The following CACNA1E variants were observed in gnomAD, a reference collection of about 807,000 sequenced individuals.
CACNA1E encodes voltage-dependent R-type calcium channel subunit alpha-1E.
In CACNA1E, 40 loss-of-function variants were observed where a neutral mutation model predicts 259.2. The observed-to-expected ratio is 0.15, with a 90% confidence interval of 0.12 to 0.20. CACNA1E has a LOEUF of 0.20. Ranked by LOEUF, CACNA1E falls within the 10% of genes least tolerant of loss-of-function variation. CACNA1E has a pLI of 1.00. For missense variants in CACNA1E, 1,874 were observed against 3,040.1 expected, an observed-to-expected ratio of 0.62 and a Z score of 9.02; for synonymous variants, 1,104 against 1,138.5, an observed-to-expected ratio of 0.97 and a Z score of 0.61.
intron 8 of CACNA1E, among the ~76,000 whole-genome samples, chr1:181,713,452 A>G (rs1653588515): frequency 1.3e-5 from 2 of 152,210 alleles, no homozygotes; most frequent in South Asian, 4.1e-4. Flanking sequence ...GCCAGAGGCT[A>G]TACTTAAAAA....
At position 181,510,587 on chromosome 1, in the gene CACNA1E, G is replaced by A. The variant is rs1208096882; in HGVS notation, c.372+5G>A. On this transcript the variant is annotated splice_donor_5th_base_variant and intron_variant, in intron 2 of 47. Coordinates refer to ENST00000367573, the MANE Select transcript of CACNA1E (RefSeq NM_001205293.3). Reference sequence around the variant, plus strand: ...ACCCCCATGTCCCGAAGACTGGTATGTGATTCCCCTCCTTCTCCCCTTTGC... The same window carrying A: ...ACCCCCATGTCCCGAAGACTGGTATATGATTCCCCTCCTTCTCCCCTTTGC... 2 of 1,567,260 alleles carry A rather than the reference G, an allele frequency of 1.3e-6. No individual in the cohort carries two copies. The highest frequency in any genetic ancestry group is 2.2e-5 in the East Asian group (1 of 44,640).
rs143089820 is a variant in CACNA1E, at chr1:181,435,814, G to A, written c.434+22234G>A. Reference sequence around the variant, plus strand: ...GCTTAATGATATTTCTGGAGTTGAGGTATATTAAGTCCAAAGAGTTCAATA... The same window carrying A: ...GCTTAATGATATTTCTGGAGTTGAGATATATTAAGTCCAAAGAGTTCAATA... On this transcript the variant is annotated intron_variant, in intron 2 of 11. Coordinates refer to the CACNA1E transcript ENST00000524607. Among the ~76,000 whole-genome samples, 535 of 152,232 alleles carry A rather than the reference G, an allele frequency of 3.5e-3. 4 individuals carry two copies. Among genetic ancestry groups the A allele is most frequent in the African/African-American group, 0.011 (444 of 41,562 alleles).
chr1:181,717,390 C>A (rs946442481), intron 11 of CACNA1E, 88 bp downstream of exon 11: 8 of 1,093,446 alleles, frequency 7.3e-6, no homozygotes, highest in Non-Finnish European at 1.1e-5. Flanking sequence ...AGCAAAGCAC[C>A]CTGCTAGGAA....
intron 8 of CACNA1E, 58 bp downstream of exon 8, chr1:181,711,127 C>A: frequency 1.8e-6 from 2 of 1,133,910 alleles, no homozygotes; most frequent in Non-Finnish European, 1.3e-6. Flanking sequence ...TCAGGGCCGG[C>A]CCCTCACTCC....
chr1:181,795,366 C>T (rs1379639038), intron 46 of CACNA1E, among the ~76,000 whole-genome samples: 1 of 152,112 alleles, frequency 6.6e-6, no homozygotes, highest in African/African-American at 2.4e-5. Flanking sequence ...ATTAGAGACC[C>T]ACTGTAAGGA....
At chr1:181,391,345 C>T (rs928404461) in intron 1 of CACNA1E, among the ~76,000 whole-genome samples, 1 of 152,198 alleles carries the variant, frequency 6.6e-6, no homozygotes, top group Non-Finnish European at 1.5e-5. Context: ...TGTGAAACAA[C>T]TTTGGGTATT....
At chr1:181,653,470 GA>G (rs1397502384) in intron 7 of CACNA1E, among the ~76,000 whole-genome samples, 1 of 152,186 alleles carries the variant, frequency 6.6e-6, no homozygotes, top group Non-Finnish European at 1.5e-5. Context: ...CAGCCACGTG[GA>G]ACTGTGAGTC....
chr1:181,427,506 A>G (rs1310987763), intron 2 of CACNA1E, among the ~76,000 whole-genome samples: 1 of 141,346 alleles, frequency 7.1e-6, no homozygotes, highest in Non-Finnish European at 1.5e-5. Context: ...CCCCATCTCA[A>G]CTGCTCTCTA....
intron 3 of CACNA1E, among the ~76,000 whole-genome samples, chr1:181,529,611 A>T (rs376366172): frequency 1.3e-5 from 2 of 152,158 alleles, no homozygotes; most frequent in African/African-American, 4.8e-5. Flanking sequence ...GCTGCCCAAG[A>T]CCATGGGAAC....
At chr1:181,428,531 G>T (rs1484000379) in intron 2 of CACNA1E, among the ~76,000 whole-genome samples, 1 of 152,136 alleles carries the variant, frequency 6.6e-6, no homozygotes, top group Non-Finnish European at 1.5e-5. Flanking sequence ...TGCCTGCTGT[G>T]GGGTAGGGGA....
chr1:181,788,839 T>C (rs1661060896), intron 43 of CACNA1E, among the ~76,000 whole-genome samples: 1 of 152,224 alleles, frequency 6.6e-6, no homozygotes, highest in Non-Finnish European at 1.5e-5. Context: ...GATTCTATAA[T>C]TATTTACTCT....
In CACNA1E at chr1:181,747,450, A is replaced by AT. The variant is rs60393528; in HGVS notation, c.3720-3007dup. Among the ~76,000 whole-genome samples the AT allele has an allele frequency of 7.0e-3, 858 of 122,892 alleles. 6 individuals carry two copies. Among genetic ancestry groups the AT allele is most frequent in the Middle Eastern group, 0.018 (4 of 224 alleles). The allele number at this position is 122,892 out of a possible 152,430, so 80.6% of individuals were successfully genotyped here. ...ACTGATGAAACAAGAAAAATCTGTC[A>AT]TTTTTTTTTTTTTTTTTTTACTGGA... On this transcript the variant is annotated intron_variant, in intron 25 of 47. Coordinates refer to ENST00000367573, the MANE Select transcript of CACNA1E (RefSeq NM_001205293.3).
At chr1:181,590,416 A>ATATATATATATATATATATATAT (rs1419171903) in intron 6 of CACNA1E, among the ~76,000 whole-genome samples, 1 of 115,884 alleles carries the variant, frequency 8.6e-6, no homozygotes, top group African/African-American at 3.7e-5. Context: ...AAAAAAAAAA[A>ATATATATATATATATATATATAT]ATATATATAT....
At chr1:181,731,314 G>A in intron 19 of CACNA1E, 83 bp downstream of exon 19, 2 of 1,040,342 alleles carry the variant, frequency 1.9e-6, no homozygotes, top group Non-Finnish European at 3.0e-6. Context: ...CATAGACAAA[G>A]TGGCACTGGG....
At chr1:181,426,801 T>TAC (rs1659291243) in intron 2 of CACNA1E, among the ~76,000 whole-genome samples, 4 of 30,108 alleles carry the variant, frequency 1.3e-4, no homozygotes, top group African/African-American at 2.9e-4. Flanking sequence ...CCCTTCCTAT[T>TAC]TCAACCCCTT....
At chr1:181,524,896 C>A (rs1299233751) in intron 3 of CACNA1E, among the ~76,000 whole-genome samples, 1 of 152,180 alleles carries the variant, frequency 6.6e-6, no homozygotes, top group Non-Finnish European at 1.5e-5. Context: ...CAGTAATGAT[C>A]TCTTCATTAT....
Position 181,803,351 on chromosome 1 carries a change from A to G in CACNA1E, c.*4517A>G, listed in dbSNP as rs1176816056. On this transcript the variant is annotated 3_prime_UTR_variant, in exon 48 of 48. Transcript: ENST00000367573. ...GGTTTGGATAACTTCTCTTTAAAAT[A>G]TCTCCACATTGAGACTCTTATTTTA... 2.0e-5 allele frequency: 3 copies of G among 152,240 alleles called. No individual in the cohort carries two copies. Among genetic ancestry groups the G allele is most frequent in the African/African-American group, 4.8e-5 (2 of 41,450 alleles). 9.4% of individuals were successfully genotyped at this position (152,240 alleles called of 1,614,324 possible). A position where few individuals can be genotyped will look rare whatever the true frequency, so the allele number is the denominator to read the frequency against.
At chr1:181,517,495 C>G (rs1051844115) in intron 3 of CACNA1E, among the ~76,000 whole-genome samples, 3 of 151,976 alleles carry the variant, frequency 2.0e-5, no homozygotes, top group Non-Finnish European at 4.4e-5. Flanking sequence ...TGGCACAACT[C>G]TTTTTTCTTT....
intron 1 of CACNA1E, among the ~76,000 whole-genome samples, chr1:181,409,147 A>C (rs1344711157): frequency 6.6e-6 from 1 of 152,238 alleles, no homozygotes; most frequent in Non-Finnish European, 1.5e-5. Flanking sequence ...GGCTGCTTTC[A>C]TGCTACAACA....
Sources: gnomAD v4.1 joint callset for allele counts (sites outside exome capture counted in the v4.1 genomes callset) on GRCh38, gnomAD v4.1.1 for gene constraint, MANE v1.5 for transcripts, NCBI Gene and HGNC (gene_info 2026-07-23, HGNC 2026-07-21) for gene names.